DTNBP1: variants seen among roughly 807,000 people sequenced by gnomAD.
The protein encoded by DTNBP1 is dystrobrevin binding protein 1, also known as dysbindin.
Under a neutral mutation model 42.8 loss-of-function variants are expected in DTNBP1, and 35 were observed. The ratio of observed to expected loss-of-function variants is 0.82; its 90% CI spans 0.63 to 1.09. The LOEUF (loss-of-function observed/expected upper bound fraction) is 1.09. Among genes scored for constraint, DTNBP1 ranks in the 50% least tolerant of loss-of-function variants. The pLI is 0.00. For missense variants in DTNBP1, 457 were observed against 424.2 expected, an observed-to-expected ratio of 1.08 and a Z score of -0.68; for synonymous variants, 171 against 162.2, an observed-to-expected ratio of 1.05 and a Z score of -0.41.
intron 4 of DTNBP1, among the ~76,000 whole-genome samples, chr6:15,636,157 C>CTTTTTT (rs70996562): frequency 7.9e-6 from 1 of 127,028 alleles, no homozygotes; most frequent in Non-Finnish European, 1.6e-5. Context: ...TTACCTGCAC[C>CTTTTTT]TTTTTTTTTT....
chr6:15,614,962 T>A, intron 6 of DTNBP1: 1 of 450,832 alleles, frequency 2.2e-6, no homozygotes, highest in Non-Finnish European at 4.2e-6. Flanking sequence ...AGCAACCCAG[T>A]CATTTGCCTC....
chr6:15,615,261 A>C lies in DTNBP1; in HGVS notation c.488+6T>G. 1.2e-6 allele frequency: 2 copies of C among 1,614,034 alleles called. No homozygotes were observed. Among genetic ancestry groups the C allele is most frequent in the Non-Finnish European group, 1.7e-6 (2 of 1,179,982 alleles). On this transcript the variant is annotated splice_donor_region_variant and intron_variant, in intron 6 of 9. Transcript: ENST00000344537. Reference sequence around the variant, plus strand: ...ATGAATACTGTGGCAAACTTTTCAAACTCACCTCTTATTTTTCTTGTAATT... The same window carrying C: ...ATGAATACTGTGGCAAACTTTTCAACCTCACCTCTTATTTTTCTTGTAATT...
At position 15,522,923 on chromosome 6, in the gene DTNBP1, C is replaced by T; in HGVS notation, c.*52G>A. On this transcript the variant is annotated 3_prime_UTR_variant, in exon 10 of 10. Coordinates refer to ENST00000344537, the MANE Select transcript of DTNBP1 (RefSeq NM_032122.5). ...ACCTGGCTTTCCAGGTGGAATTCCG[C>T]ATACAGCCAAAACTGGATTCCAGTG... 1 of 1,614,102 alleles carries T rather than the reference C, an allele frequency of 6.2e-7. No individual in the cohort carries two copies.
At chr6:15,536,266 G>C (rs368249645) in intron 7 of DTNBP1, among the ~76,000 whole-genome samples, 9 of 152,378 alleles carry the variant, frequency 5.9e-5, no homozygotes, top group African/African-American at 2.2e-4. Context: ...TAAGTGCCAA[G>C]ACAATGCGGA....
chr6:15,543,223 T>C (rs773739442), intron 7 of DTNBP1, among the ~76,000 whole-genome samples: 1 of 152,210 alleles, frequency 6.6e-6, no homozygotes, highest in Non-Finnish European at 1.5e-5. Flanking sequence ...ATACTCAATT[T>C]TTAAAGCTTT....
intron 7 of DTNBP1, among the ~76,000 whole-genome samples, chr6:15,563,584 T>C (rs1452580179): frequency 6.6e-6 from 1 of 152,200 alleles, no homozygotes; most frequent in East Asian, 1.9e-4. Flanking sequence ...TGTTTAAGAA[T>C]TCCTTAAGCA....
intron 8 of DTNBP1, among the ~76,000 whole-genome samples, chr6:15,528,195 ACACAGATGTG>A (rs1435053614): frequency 6.6e-6 from 1 of 152,236 alleles, no homozygotes; most frequent in Non-Finnish European, 1.5e-5. Context: ...AAATAAATGC[ACACAGATGTG>A]CAGAGCAGGT....
intron 7 of DTNBP1, among the ~76,000 whole-genome samples, chr6:15,588,174 T>C (rs1467695659): frequency 1.3e-5 from 2 of 152,202 alleles, no homozygotes; most frequent in Non-Finnish European, 2.9e-5. Context: ...AGGAACAATA[T>C]AGTGACTTTT....
At chr6:15,547,503 A>G (rs148572875) in intron 7 of DTNBP1, among the ~76,000 whole-genome samples, 41 of 152,346 alleles carry the variant, frequency 2.7e-4, no homozygotes, top group Non-Finnish European at 5.7e-4. Flanking sequence ...ACAATGGGAA[A>G]CAGACGAAGC....
intron 1 of DTNBP1, 78 bp downstream of exon 1, chr6:15,662,736 G>T: frequency 6.3e-7 from 1 of 1,585,024 alleles, no homozygotes; most frequent in South Asian, 1.1e-5. Context: ...GTGGCGCGGG[G>T]AAGGGAGCGA....
intron 7 of DTNBP1, among the ~76,000 whole-genome samples, chr6:15,535,488 T>C (rs891021986): frequency 6.6e-6 from 1 of 152,096 alleles, no homozygotes; most frequent in African/African-American, 2.4e-5. Context: ...AGCTAATTTT[T>C]TGTATTTTTA....
intron 6 of DTNBP1, among the ~76,000 whole-genome samples, chr6:15,604,474 G>C (rs887844561): frequency 2.6e-5 from 4 of 152,082 alleles, no homozygotes; most frequent in African/African-American, 9.7e-5. Flanking sequence ...TTACCCTGGA[G>C]AATGCTGTTG....
At chr6:15,530,548 C>T (rs555105027) in intron 8 of DTNBP1, among the ~76,000 whole-genome samples, 2 of 152,318 alleles carry the variant, frequency 1.3e-5, no homozygotes, top group South Asian at 2.1e-4. Context: ...TCTGCCAGCC[C>T]GCTGACTTGC....
chr6:15,660,529 G>A (rs1466730550), intron 1 of DTNBP1: 6 of 1,289,696 alleles, frequency 4.7e-6, no homozygotes, highest in South Asian at 1.2e-5. Context: ...GACCTGTACA[G>A]GAGAAAGCCA....
chr6:15,660,540 A>G lies in DTNBP1; in HGVS notation c.56+2274T>C, dbSNP rs73373670. On this transcript the variant is annotated intron_variant, in intron 1 of 9. Transcript: ENST00000344537. ...AAGTGACCTGTACAGGAGAAAGCCA[A>G]CAAAAGACCTAATGAAGCCCTCTCA... 3.9e-3 allele frequency: 5,085 copies of G among 1,289,632 alleles called. 172 individuals are homozygous for G. The African/African-American group carries it at 0.067, about 17-fold the overall frequency. 79.9% of individuals were successfully genotyped at this position (1,289,632 alleles called of 1,614,324 possible).
At chr6:15,525,076 G>T (rs1253540787) in intron 8 of DTNBP1, among the ~76,000 whole-genome samples, 1 of 152,198 alleles carries the variant, frequency 6.6e-6, no homozygotes, top group Non-Finnish European at 1.5e-5. Flanking sequence ...TTCCCGGCAG[G>T]CGCACTCCTC....
chr6:15,584,153 C>A (rs934878755), intron 7 of DTNBP1, among the ~76,000 whole-genome samples: 2 of 152,048 alleles, frequency 1.3e-5, no homozygotes, highest in African/African-American at 4.8e-5. Context: ...AACGAATATA[C>A]ACTTAACATA....
intron 8 of DTNBP1, among the ~76,000 whole-genome samples, chr6:15,527,417 T>C (rs1253672995): frequency 6.6e-6 from 1 of 152,184 alleles, no homozygotes; most frequent in Non-Finnish European, 1.5e-5. Context: ...ATCTAATTAT[T>C]TTTAAAAAAC....
chr6:15,608,313 C>T (rs1450467356), intron 6 of DTNBP1, among the ~76,000 whole-genome samples: 1 of 151,754 alleles, frequency 6.6e-6, no homozygotes, highest in Non-Finnish European at 1.5e-5. Context: ...CTCATTAAAC[C>T]CTCCACCAGA....
Sources: gnomAD v4.1 joint callset for allele counts (sites outside exome capture counted in the v4.1 genomes callset) on GRCh38, gnomAD v4.1.1 for gene constraint, MANE v1.5 for transcripts, NCBI Gene and HGNC (gene_info 2026-07-23, HGNC 2026-07-21) for gene names.